The following FKBP6 variants were observed in gnomAD, a reference collection of about 807,000 sequenced individuals.
The protein encoded by FKBP6 is FKBP prolyl isomerase family member 6 (inactive).
FKBP6 carries 29 observed loss-of-function variants against 41.7 expected under a neutral mutation model. The observed-to-expected ratio is 0.70, with a 90% CI of 0.52 to 0.95. The LOEUF (loss-of-function observed/expected upper bound fraction) is 0.95, where lower values mean the gene tolerates loss of function less well. FKBP6 is among the 40% of genes least tolerant of loss of function. FKBP6 has a pLI of 0.00. For synonymous variants in FKBP6, 130 were observed against 165.1 expected, an observed-to-expected ratio of 0.79 and a Z score of 1.63; for missense variants, 338 against 408.7, an observed-to-expected ratio of 0.83 and a Z score of 1.49.
At position 73,342,880 on chromosome 7, in the gene FKBP6, A is replaced by G. The variant is rs781895407; in HGVS notation, c.967A>G (p.Thr323Ala). The change falls in exon 8 of 9, where the codon ACA becomes GCA. Residue 323 changes from threonine (T) to alanine (A), a missense_variant. Physicochemically the swap from Thr to Ala is moderately conservative, Grantham distance 58. This residue lies in a region of FKBP6 where 239 missense variants were observed against 250.1 expected (regional missense o/e 0.96). Coordinates refer to ENST00000252037, the MANE Select transcript of FKBP6 (RefSeq NM_003602.5). ...RMFAPCGDGS[T>A]AGES ...GTTCGCGCCCTGTGGCGATGGTTCTACAGCAGGAGAAAGTTGAAGGTAATC... is the reference window on the plus strand; with the variant it reads ...GTTCGCGCCCTGTGGCGATGGTTCTGCAGCAGGAGAAAGTTGAAGGTAATC... 1.9e-6 allele frequency: 3 copies of G among 1,613,412 alleles called. No individual in the cohort carries two copies. Among genetic ancestry groups the G allele is most frequent in the Non-Finnish European group, 2.5e-6 (3 of 1,179,396 alleles).
At position 73,330,160 on chromosome 7, in the gene FKBP6, G is replaced by A; in HGVS notation, c.276G>A (p.Leu92=). 6.2e-7 allele frequency: 1 copy of A among 1,613,472 alleles called. No homozygotes were observed. Among genetic ancestry groups the A allele is most frequent in the South Asian group, 1.1e-5 (1 of 91,074 alleles). The stretch of plus-strand genomic sequence containing the variant: ...TGTCCATTCTTACAGATATTACACT[G>A]TGGGGCATGGAGCTGGGCCTTCTGA... ...RLMKLGEDIT[L]WGMELGLLSM... The change falls in exon 4 of 9, where the codon CTG becomes CTA. Residue 92 remains leucine, a synonymous_variant. Transcript: ENST00000252037.
chr7:73,350,677 T>G (rs1805464516), intron 8 of FKBP6, among the ~76,000 whole-genome samples: 1 of 152,162 alleles, frequency 6.6e-6, no homozygotes, highest in African/African-American at 2.4e-5. Flanking sequence ...GAGGCCCAAG[T>G]GGAAGTAAAG....
rs546204405 is a variant in FKBP6 at position 73,340,626 on chromosome 7, C to T, written c.589-12C>T. On this transcript the variant is annotated splice_polypyrimidine_tract_variant and intron_variant, in intron 5 of 8. Coordinates refer to ENST00000252037, the MANE Select transcript of FKBP6 (RefSeq NM_003602.5). ...GTTACTCCTCTTGACCATCTGCCTT[C>T]CCTCTCCACAGGCCCTATTGCTTCT... 2.5e-6 allele frequency: 4 copies of T among 1,611,406 alleles called. No individual in the cohort carries two copies. The Admixed American group carries it at 6.7e-5, about 27-fold the overall frequency.
chr7:73,354,272 C>A (rs1442794700), intron 8 of FKBP6, among the ~76,000 whole-genome samples: 1 of 152,198 alleles, frequency 6.6e-6, no homozygotes, highest in Non-Finnish European at 1.5e-5. Context: ...GGGAAGTAAT[C>A]GCACTCCCTG....
chr7:73,331,514 T>A (rs1350848361), intron 4 of FKBP6, 143 bp from the exon 5 acceptor site: 15 of 774,070 alleles, frequency 1.9e-5, no homozygotes, highest in Middle Eastern at 3.1e-4. Context: ...TTTCTTTCAA[T>A]TACTATTTTT....
Position 73,330,480 on chromosome 7 carries a change from C to T in FKBP6, c.468+128C>T, listed in dbSNP as rs890885236. On this transcript the variant is annotated intron_variant, in intron 4 of 8. Coordinates refer to ENST00000252037, the MANE Select transcript of FKBP6 (RefSeq NM_003602.5). ...CCAGGGTACCCCCGCGGCTCCTGTG[C>T]GGTGGCGGCGGAGTTCCTCTGCTTC... The T allele has an allele frequency of 7.2e-5, 53 of 732,570 alleles. 1 individual carries two copies. Among genetic ancestry groups the T allele is most frequent in the Middle Eastern group, 6.1e-4 (2 of 3,262 alleles). 45.4% of individuals were successfully genotyped at this position (732,570 alleles called of 1,614,324 possible).
chr7:73,329,505 A>G, intron 3 of FKBP6, 56 bp downstream of exon 3: 1 of 1,062,212 alleles, frequency 9.4e-7, no homozygotes, highest in Non-Finnish European at 1.5e-6. Flanking sequence ...TAGATGAGGC[A>G]CGATGCCTCA....
In FKBP6 at chr7:73,328,505, G is replaced by A. The variant is rs527892040; in HGVS notation, c.57+20G>A. ...GGCCAGGTGAGGGCCCAGACGTTTC[G>A]GGGGCGTAGACGCTGAGGGGTGGCC... On this transcript the variant is annotated intron_variant, in intron 1 of 8. Transcript: ENST00000252037. The A allele has an allele frequency of 1.6e-3, 2,564 of 1,558,310 alleles. 33 individuals carry two copies. The African/African-American group carries it at 0.031, about 19-fold the overall frequency.
At chr7:73,350,962 T>C (rs1180869698) in intron 8 of FKBP6, among the ~76,000 whole-genome samples, 1 of 152,230 alleles carries the variant, frequency 6.6e-6, no homozygotes, top group African/African-American at 2.4e-5. Context: ...GATCCCCTTC[T>C]TCCCAAAGAG....
At chr7:73,351,819 T>C (rs906880641) in intron 8 of FKBP6, among the ~76,000 whole-genome samples, 14 of 152,218 alleles carry the variant, frequency 9.2e-5, no homozygotes, top group African/African-American at 3.1e-4. Context: ...CTTTTGCTGA[T>C]CGTCCACAAT....
chr7:73,328,240 G>T lies in FKBP6; in HGVS notation c.-189G>T, dbSNP rs1161953394. ...CTCTGTAGTTCCAGAGCTCGCGAGG[G>T]CCAGGGCCGTTGGCGGCGGTTGGAA... On this transcript the variant is annotated 5_prime_UTR_variant, in exon 1 of 9. Transcript: ENST00000252037. The T allele has an allele frequency of 9.0e-6, 14 of 1,549,030 alleles. No individual in the cohort carries two copies. In the East Asian group the frequency reaches 3.4e-4, roughly 38 times the overall value.
chr7:73,347,723 C>T (rs898447400), intron 8 of FKBP6, among the ~76,000 whole-genome samples: 24 of 152,220 alleles, frequency 1.6e-4, no homozygotes, highest in African/African-American at 5.1e-4. Context: ...TAGCTCACTG[C>T]AGCCTCAACT....
intron 8 of FKBP6, among the ~76,000 whole-genome samples, chr7:73,352,915 AT>A (rs1805529870): frequency 6.6e-6 from 1 of 152,086 alleles, no homozygotes; most frequent in South Asian, 2.1e-4. Flanking sequence ...ATACAGCTTC[AT>A]TTTTTTGGTG....
intron 5 of FKBP6, chr7:73,337,040 G>T (rs1386425319): frequency 8.8e-6 from 3 of 342,012 alleles, no homozygotes; most frequent in African/African-American, 6.5e-5. Flanking sequence ...TCATGGGAAT[G>T]AGCAGGTAAG....
intron 8 of FKBP6, among the ~76,000 whole-genome samples, chr7:73,349,867 GGCC>G (rs1805441269): frequency 6.6e-6 from 1 of 152,124 alleles, no homozygotes; most frequent in African/African-American, 2.4e-5. Flanking sequence ...TTGAATGGTT[GGCC>G]ATTGGTGATT....
intron 4 of FKBP6, among the ~76,000 whole-genome samples, chr7:73,331,316 T>C (rs1459022197): frequency 1.3e-5 from 2 of 152,202 alleles, no homozygotes; most frequent in African/African-American, 4.8e-5. Flanking sequence ...CATGGGACAC[T>C]GCTTCCTCAG....
intron 7 of FKBP6, 37 bp from the exon 8 acceptor site, chr7:73,342,770 C>A: frequency 2.1e-6 from 3 of 1,433,094 alleles, no homozygotes; most frequent in Non-Finnish European, 3.0e-6. Context: ...CCTCCAAACA[C>A]AGACCTCCTC....
chr7:73,336,977 T>A (rs1351548406), intron 5 of FKBP6: 2 of 331,252 alleles, frequency 6.0e-6, no homozygotes, highest in East Asian at 1.6e-4. Flanking sequence ...GAGAAAAAAA[T>A]TTAAACCAAG....
intron 7 of FKBP6, among the ~76,000 whole-genome samples, chr7:73,342,183 A>G (rs1171375191): frequency 2.0e-5 from 3 of 152,102 alleles, no homozygotes; most frequent in Non-Finnish European, 4.4e-5. Context: ...TCATTATAGA[A>G]GTTTTGTGTC....
Sources: gnomAD v4.1 joint callset for allele counts (sites outside exome capture counted in the v4.1 genomes callset) on GRCh38, gnomAD v4.1.1 for gene constraint, gnomAD v4.1.1 regional missense constraint, MANE v1.5 for transcripts, NCBI Gene and HGNC (gene_info 2026-07-23, HGNC 2026-07-21) for gene names.